IQGAP2: variants seen among roughly 807,000 people sequenced by gnomAD.
IQGAP2 encodes ras GTPase-activating-like protein IQGAP2.
IQGAP2 carries 173 observed loss-of-function variants against 201.3 expected under a neutral mutation model. The observed-to-expected ratio is 0.86, with a 90% CI of 0.76 to 0.98. The LOEUF (loss-of-function observed/expected upper bound fraction) is 0.98, where lower values mean the gene tolerates loss of function less well. Ranked by LOEUF, IQGAP2 falls within the 50% of genes least tolerant of loss-of-function variation. The pLI is 0.00. For synonymous variants in IQGAP2, 675 were observed against 673.9 expected (o/e 1.00, Z -0.03); for missense variants, 1,687 against 1,864.8 (o/e 0.90, Z 1.76).
intron 14 of IQGAP2, among the ~76,000 whole-genome samples, chr5:76,627,785 G>GAAATCT: frequency 6.6e-6 from 1 of 152,148 alleles, no homozygotes; most frequent in Non-Finnish European, 1.5e-5. Flanking sequence ...TTGATTTTTA[G>GAAATCT]AGAACTAGAC....
At chr5:76,480,105 G>C (rs543778066) in intron 2 of IQGAP2, among the ~76,000 whole-genome samples, 1 of 152,068 alleles carries the variant, frequency 6.6e-6, no homozygotes, top group East Asian at 1.9e-4. Context: ...GTTTGTGTAG[G>C]TGGGGGCTGG....
intron 11 of IQGAP2, among the ~76,000 whole-genome samples, chr5:76,602,460 C>T (rs1301579920): frequency 6.6e-6 from 1 of 152,182 alleles, no homozygotes; most frequent in Non-Finnish European, 1.5e-5. Flanking sequence ...TTACAAATAC[C>T]CTTAAAGAAG....
intron 2 of IQGAP2, among the ~76,000 whole-genome samples, chr5:76,516,798 AGAG>A (rs2150189057): frequency 6.6e-6 from 1 of 152,376 alleles, no homozygotes; most frequent in South Asian, 2.1e-4. Flanking sequence ...TGTGCTTCAC[AGAG>A]AAGAAAGGTA....
At chr5:76,417,037 GC>G (rs755069384) in intron 1 of IQGAP2, among the ~76,000 whole-genome samples, 2 of 152,044 alleles carry the variant, frequency 1.3e-5, no homozygotes, top group Non-Finnish European at 2.9e-5. Context: ...TTGCCATGTT[GC>G]CCAGGCTGGT....
At chr5:76,704,299 A>G (rs1207113712) in intron 35 of IQGAP2, among the ~76,000 whole-genome samples, 2 of 152,224 alleles carry the variant, frequency 1.3e-5, no homozygotes, top group Non-Finnish European at 2.9e-5. Flanking sequence ...CAAGAAGGAA[A>G]TTATCCAGGG....
At chr5:76,581,522 T>C (rs1350366108) in intron 5 of IQGAP2, among the ~76,000 whole-genome samples, 1 of 152,174 alleles carries the variant, frequency 6.6e-6, no homozygotes, top group Admixed American at 6.5e-5. Flanking sequence ...AACCATTCCT[T>C]TCCCTTTCCT....
chr5:76,524,446 A>T (rs1561437375), intron 2 of IQGAP2, among the ~76,000 whole-genome samples: 1 of 152,188 alleles, frequency 6.6e-6, no homozygotes, highest in Non-Finnish European at 1.5e-5. Context: ...TTTGAGAATC[A>T]GTTAGTACCG....
chr5:76,501,643 CT>C lies in IQGAP2; in HGVS notation c.146+39988del, dbSNP rs56929376. ...CCTGCTGCATTTTCTTTTTCCTTTT[CT>C]TTTTTTTTTTTTTCCTTGAGACAGT... On this transcript the variant is annotated intron_variant, in intron 2 of 35. Coordinates refer to ENST00000274364, the MANE Select transcript of IQGAP2 (RefSeq NM_006633.5). Among the ~76,000 whole-genome samples the C allele has an allele frequency of 1.4e-3, 142 of 101,132 alleles. 1 individual carries two copies. The highest frequency in any genetic ancestry group is 6.8e-3 in the Middle Eastern group (1 of 146). 66.3% of individuals were successfully genotyped at this position (101,132 alleles called of 152,430 possible). A position where few individuals can be genotyped will look rare whatever the true frequency, so the allele number is the denominator to read the frequency against.
chr5:76,635,114 C>G (rs182604494), intron 15 of IQGAP2, among the ~76,000 whole-genome samples: 1 of 152,234 alleles, frequency 6.6e-6, no homozygotes, highest in Non-Finnish European at 1.5e-5. Context: ...TGTCCCCTGT[C>G]TCATCCTTCA....
intron 1 of IQGAP2, among the ~76,000 whole-genome samples, chr5:76,459,641 A>G (rs1328225441): frequency 6.6e-6 from 1 of 151,896 alleles, no homozygotes; most frequent in Non-Finnish European, 1.5e-5. Context: ...AGGGAAAGAA[A>G]TATAACTTTT....
chr5:76,700,581 A>C (rs934286996), intron 33 of IQGAP2, among the ~76,000 whole-genome samples: 2 of 152,226 alleles, frequency 1.3e-5, no homozygotes, highest in Admixed American at 6.5e-5. Flanking sequence ...TACATGATAT[A>C]GTATATAGCA....
intron 17 of IQGAP2, among the ~76,000 whole-genome samples, chr5:76,650,660 A>T (rs1019375571): frequency 7.9e-5 from 12 of 152,196 alleles, no homozygotes; most frequent in Admixed American, 3.3e-4. Context: ...TCTAGGGTAC[A>T]TGTGCACAAC....
intron 2 of IQGAP2, among the ~76,000 whole-genome samples, chr5:76,464,954 C>G (rs1425879574): frequency 6.6e-6 from 1 of 152,140 alleles, no homozygotes; most frequent in Non-Finnish European, 1.5e-5. Context: ...AAACTTCCCA[C>G]AAACCCAGAT....
At chr5:76,498,103 T>C (rs1180572519) in intron 2 of IQGAP2, among the ~76,000 whole-genome samples, 1 of 152,186 alleles carries the variant, frequency 6.6e-6, no homozygotes, top group Non-Finnish European at 1.5e-5. Context: ...TGTCTCACAA[T>C]AGTAAGAGCA....
At chr5:76,597,900 T>G (rs1331870915) in intron 10 of IQGAP2, among the ~76,000 whole-genome samples, 1 of 152,220 alleles carries the variant, frequency 6.6e-6, no homozygotes, top group East Asian at 1.9e-4. Context: ...TGGATAAATT[T>G]TAGCTATACC....
At chr5:76,499,769 A>G (rs1053368420) in intron 2 of IQGAP2, among the ~76,000 whole-genome samples, 3 of 152,176 alleles carry the variant, frequency 2.0e-5, no homozygotes, top group African/African-American at 7.2e-5. Flanking sequence ...ATTGTTACCA[A>G]GAGAATAGGC....
intron 4 of IQGAP2, among the ~76,000 whole-genome samples, chr5:76,573,136 C>T (rs879336317): frequency 9.9e-5 from 15 of 152,210 alleles, no homozygotes; most frequent in Non-Finnish European, 1.2e-4. Flanking sequence ...TAATAAAAAA[C>T]GAATTTAAAC....
intron 13 of IQGAP2, among the ~76,000 whole-genome samples, chr5:76,626,386 C>T (rs1580657327): frequency 6.6e-6 from 1 of 151,024 alleles, no homozygotes; most frequent in Non-Finnish European, 1.5e-5. Flanking sequence ...AATCCTCCCG[C>T]CTTCCTCCCA....
chr5:76,653,502 A>T (rs908147197), intron 18 of IQGAP2, among the ~76,000 whole-genome samples: 1 of 152,228 alleles, frequency 6.6e-6, no homozygotes, highest in South Asian at 2.1e-4. Context: ...CAAACCTGTA[A>T]TCTCAGCACT....
Sources: gnomAD v4.1 joint callset for allele counts (sites outside exome capture counted in the v4.1 genomes callset) on GRCh38, gnomAD v4.1.1 for gene constraint, MANE v1.5 for transcripts, NCBI Gene and HGNC (gene_info 2026-07-23, HGNC 2026-07-21) for gene names.